The following MGAM2 variants were observed in gnomAD, a reference collection of about 807,000 sequenced individuals.
The protein encoded by MGAM2 is probable maltase-glucoamylase 2.
In MGAM2, 98 loss-of-function variants were observed where a neutral mutation model predicts 96.1. The observed-to-expected ratio is 1.02, with a 90% confidence interval of 0.87 to 1.21. The LOEUF (loss-of-function observed/expected upper bound fraction) is 1.21, where lower values mean the gene tolerates loss of function less well. Among genes scored for constraint, MGAM2 ranks in the 50% most tolerant of loss-of-function variants. MGAM2 has a pLI of 0.00. For synonymous variants in MGAM2, 749 were observed against 414.8 expected (o/e 1.81, Z -9.79); for missense variants, 2,055 against 1,182.4 (o/e 1.74, Z -10.82).
chr7:142,120,049 T>G (rs1794516769), intron 2 of MGAM2, among the ~76,000 whole-genome samples: 2 of 152,254 alleles, frequency 1.3e-5, no homozygotes, highest in Admixed American at 1.3e-4. Context: ...TTTTGTGGTA[T>G]ATAAATTGTA....
intron 26 of MGAM2, among the ~76,000 whole-genome samples, chr7:142,168,680 A>G (rs1269004036): frequency 6.6e-6 from 1 of 152,222 alleles, no homozygotes; most frequent in Non-Finnish European, 1.5e-5. Context: ...TCTACTGGAA[A>G]CATAATGTGA....
intron 7 of MGAM2, among the ~76,000 whole-genome samples, chr7:142,134,518 T>A (rs115306807): frequency 0.018 from 2,718 of 152,244 alleles, 86 homozygotes; most frequent in African/African-American, 0.062. Context: ...TAGAACTTGG[T>A]GGACTAAAAA....
chr7:142,209,150 G>T (rs1422779953), intron 46 of MGAM2, among the ~76,000 whole-genome samples: 1 of 152,082 alleles, frequency 6.6e-6, no homozygotes, highest in Non-Finnish European at 1.5e-5. Context: ...ATATCTGGGG[G>T]GTCAGCTGAC....
At chr7:142,167,645 T>C (rs1796069114) in intron 26 of MGAM2, among the ~76,000 whole-genome samples, 159 bp downstream of exon 26, 1 of 152,190 alleles carries the variant, frequency 6.6e-6, no homozygotes, top group South Asian at 2.1e-4. Flanking sequence ...CAATCTCAGG[T>C]CACTGTAACT....
intron 1 of MGAM2, among the ~76,000 whole-genome samples, chr7:142,114,813 G>A (rs934069869): frequency 2.0e-5 from 3 of 152,204 alleles, no homozygotes; most frequent in Non-Finnish European, 2.9e-5. Context: ...AGCAGAGAGA[G>A]AGAATAGTTT....
intron 35 of MGAM2, 36 bp downstream of exon 35, chr7:142,186,159 G>A: frequency 1.5e-6 from 1 of 670,510 alleles, no homozygotes; most frequent in Non-Finnish European, 2.7e-6. Flanking sequence ...TTTTTTTTTT[G>A]GAAATGTTAG....
At chr7:142,126,190 A>G (rs1217898781) in intron 3 of MGAM2, among the ~76,000 whole-genome samples, 1 of 151,990 alleles carries the variant, frequency 6.6e-6, no homozygotes, top group Non-Finnish European at 1.5e-5. Context: ...TTAATTTGGA[A>G]CCATTTTCAC....
At chr7:142,158,173 T>A in intron 18 of MGAM2, 75 bp from the exon 19 acceptor site, 2 of 700,672 alleles carry the variant, frequency 2.9e-6, no homozygotes, top group Non-Finnish European at 5.2e-6. Flanking sequence ...TTAGTTAGGA[T>A]CTTGTTGTTA....
chr7:142,201,071 CTTTTTTT>C lies in MGAM2; in HGVS notation c.5137+1107_5137+1113del, dbSNP rs72092512. Among the ~76,000 whole-genome samples the C allele has an allele frequency of 3.4e-3, 284 of 84,380 alleles. 7 individuals are homozygous for C. Among genetic ancestry groups the C allele is most frequent in the African/African-American group, 0.014 (265 of 19,034 alleles). 55.4% of individuals were successfully genotyped at this position (84,380 alleles called of 152,430 possible). A position where few individuals can be genotyped will look rare whatever the true frequency, so the allele number is the denominator to read the frequency against. On this transcript the variant is annotated intron_variant, in intron 45 of 47. Coordinates refer to ENST00000477922, the MANE Select transcript of MGAM2 (RefSeq NM_001293626.2). ...CATTGTTATAAATAACATCCTTTTT[CTTTTTTT>C]TTTCTTTTTTTTTTTTTTTTGAGTC... is the stretch of plus-strand genomic sequence containing the variant.
intron 7 of MGAM2, among the ~76,000 whole-genome samples, chr7:142,135,754 A>ACACACACACACACT (rs202125914): frequency 6.6e-6 from 1 of 151,244 alleles, no homozygotes; most frequent in East Asian, 1.9e-4. Context: ...ACACACACAC[A>ACACACACACACACT]TTATCTCTTC....
At chr7:142,174,117 C>T (rs1196710678) in intron 31 of MGAM2, among the ~76,000 whole-genome samples, 3 of 152,276 alleles carry the variant, frequency 2.0e-5, no homozygotes, top group Admixed American at 6.5e-5. Context: ...TCACCTGATG[C>T]CTCCAGCTTT....
intron 46 of MGAM2, among the ~76,000 whole-genome samples, 172 bp from the exon 47 acceptor site, chr7:142,218,187 CAT>C (rs1203324391): frequency 1.3e-5 from 2 of 152,154 alleles, no homozygotes; most frequent in East Asian, 1.9e-4. Flanking sequence ...CAAAATATCA[CAT>C]GTTCTCCATA....
rs151086678 is a variant in MGAM2 at position 142,134,658 on chromosome 7, T to G, written c.747+506T>G. Among the ~76,000 whole-genome samples, 72 of 152,134 alleles carry G rather than the reference T, an allele frequency of 4.7e-4. No individual in the cohort carries two copies. In the East Asian group the frequency reaches 0.012, roughly 25 times the overall value. On this transcript the variant is annotated intron_variant, in intron 7 of 47. Transcript: ENST00000477922. ...ATCTCAGGCCATAGCCCAGACCCACTGGATCCAAATATGCATTTTTGCAAG... is the reference window on the plus strand; with the variant it reads ...ATCTCAGGCCATAGCCCAGACCCACGGGATCCAAATATGCATTTTTGCAAG...
At chr7:142,155,552 T>A (rs36013870) in intron 17 of MGAM2, among the ~76,000 whole-genome samples, 10 of 152,116 alleles carry the variant, frequency 6.6e-5, no homozygotes, top group Non-Finnish European at 1.2e-4. Flanking sequence ...TTAGCTCCAA[T>A]TCTTGACTTT....
intron 9 of MGAM2, 131 bp downstream of exon 9, chr7:142,137,676 ATC>A (rs1358535730): frequency 2.2e-6 from 1 of 450,010 alleles, no homozygotes; most frequent in Non-Finnish European, 3.9e-6. Flanking sequence ...TGAGTCTTTC[ATC>A]TATTGTTTAT....
At chr7:142,152,542 C>T (rs1270259720) in intron 15 of MGAM2, among the ~76,000 whole-genome samples, 3 of 152,172 alleles carry the variant, frequency 2.0e-5, no homozygotes, top group African/African-American at 7.2e-5. Context: ...TTTATAGACT[C>T]TCCAAACTTC....
chr7:142,177,736 T>C (rs1452404205), intron 32 of MGAM2, among the ~76,000 whole-genome samples: 1 of 152,254 alleles, frequency 6.6e-6, no homozygotes, highest in Non-Finnish European at 1.5e-5. Flanking sequence ...TTCCATGATA[T>C]ATATGTACCA....
chr7:142,142,894 G>A (rs1795276135), intron 12 of MGAM2, among the ~76,000 whole-genome samples: 1 of 152,102 alleles, frequency 6.6e-6, no homozygotes, highest in African/African-American at 2.4e-5. Flanking sequence ...TTGCTGGCTC[G>A]CTCTAGGTTG....
At chr7:142,116,105 G>T (rs1817391536) in intron 1 of MGAM2, among the ~76,000 whole-genome samples, 1 of 152,142 alleles carries the variant, frequency 6.6e-6, no homozygotes, top group Non-Finnish European at 1.5e-5. Flanking sequence ...AACACATCCA[G>T]TGTCTGATGT....
Sources: gnomAD v4.1 joint callset for allele counts (sites outside exome capture counted in the v4.1 genomes callset) on GRCh38, gnomAD v4.1.1 for gene constraint, MANE v1.5 for transcripts, NCBI Gene and HGNC (gene_info 2026-07-23, HGNC 2026-07-21) for gene names.